Variants in PCDHGA8 observed in about 807,000 individuals in gnomAD.
The protein encoded by PCDHGA8 is protocadherin gamma subfamily A, 8.
A neutral mutation model predicts 59.2 loss-of-function variants in PCDHGA8; 45 were observed. The ratio of observed to expected loss-of-function variants is 0.76; its 90% CI spans 0.60 to 0.98. The LOEUF (loss-of-function observed/expected upper bound fraction) is 0.98, where lower values mean the gene tolerates loss of function less well. Ranked by LOEUF, PCDHGA8 falls within the 50% of genes least tolerant of loss-of-function variation. The pLI is 0.00. For missense variants in PCDHGA8, 1,257 were observed against 1,196.2 expected (o/e 1.05, Z -0.75); for synonymous variants, 531 against 519.0 (o/e 1.02, Z -0.32).
intron 1 of PCDHGA8, chr5:141,422,871 G>T (rs769543752): frequency 3.7e-6 from 6 of 1,614,098 alleles, no homozygotes; most frequent in Non-Finnish European, 5.1e-6. Context: ...GCAACGTGTC[G>T]CTGAGCCTGT....
intron 1 of PCDHGA8, among the ~76,000 whole-genome samples, chr5:141,481,443 C>T (rs971405190): frequency 1.3e-5 from 2 of 152,174 alleles, no homozygotes; most frequent in African/African-American, 4.8e-5. Flanking sequence ...CAGTTTAGTA[C>T]ATGTAAATAC....
rs376734880 is a variant in PCDHGA8 at position 141,400,487 on chromosome 5, T to C, written c.2424+5250T>C. On this transcript the variant is annotated intron_variant, in intron 1 of 3. Coordinates refer to ENST00000398604, the MANE Select transcript of PCDHGA8 (RefSeq NM_032088.2). Reference sequence around the variant, plus strand: ...GATTCATCTGGGGCCTTATTTCCACTTTGTAATTCCAGCGAGTCGACTTCC... The same window carrying C: ...GATTCATCTGGGGCCTTATTTCCACCTTGTAATTCCAGCGAGTCGACTTCC... 4.8e-5 allele frequency: 78 copies of C among 1,613,958 alleles called. No individual in the cohort carries two copies. Among genetic ancestry groups the C allele is most frequent in the Non-Finnish European group, 6.6e-5 (78 of 1,179,896 alleles).
chr5:141,422,314 C>G (rs1207977453), intron 1 of PCDHGA8: 2 of 1,547,838 alleles, frequency 1.3e-6, no homozygotes, highest in Non-Finnish European at 1.7e-6. Context: ...AAACTCTCCT[C>G]CAGGTACAGT....
chr5:141,428,154 T>C, intron 1 of PCDHGA8: 2 of 1,578,924 alleles, frequency 1.3e-6, no homozygotes, highest in Non-Finnish European at 1.7e-6. Flanking sequence ...CACGGGAACC[T>C]GCTGGTTGCT....
Position 141,395,194 on chromosome 5 carries a change from C to G in PCDHGA8, c.2381C>G (p.Ser794Cys). The change falls in exon 1 of 4, where the codon TCC (serine) becomes TGC (cysteine). Residue 794 changes from serine to cysteine, a missense_variant. Physicochemically the swap from Ser to Cys is moderately radical, Grantham distance 112 (BLOSUM62 -1). Transcript: ENST00000398604. ...GAGAAAAATGATTCTTTGTTAACAT[C>G]CGTAGATTTTCATGAATATAAGAAT... ...GCEKNDSLLT[S>C]VDFHEYKNEA... 6.2e-7 allele frequency: 1 copy of G among 1,613,922 alleles called. No homozygotes were observed. Among genetic ancestry groups the G allele is most frequent in the Non-Finnish European group, 8.5e-7 (1 of 1,179,866 alleles).
At chr5:141,468,758 C>G (rs929005462) in intron 1 of PCDHGA8, among the ~76,000 whole-genome samples, 1 of 151,802 alleles carries the variant, frequency 6.6e-6, no homozygotes, top group Admixed American at 6.6e-5. Context: ...CCCAGCTACT[C>G]GGGAGGCTGA....
Position 141,395,134 on chromosome 5 carries a change from A to G in PCDHGA8, c.2321A>G (p.Asn774Ser), listed in dbSNP as rs1468654358. 4.3e-6 allele frequency: 7 copies of G among 1,614,062 alleles called. No individual in the cohort carries two copies. Among genetic ancestry groups the G allele is most frequent in the Middle Eastern group, 1.6e-4 (1 of 6,084 alleles). The change falls in exon 1 of 4, where the codon AAC (asparagine) becomes AGC (serine). Residue 774 changes from asparagine (N) to serine (S), a missense_variant. By Grantham distance (46) the Asn-to-Ser change is conservative. Transcript: ENST00000398604. ...RKSHLIFPQP[N>S]YADMLISQEG... ...AGTCACCTGATCTTTCCCCAGCCCA[A>G]CTACGCAGACATGCTCATCAGTCAG... is the stretch of plus-strand genomic sequence containing the variant.
intron 1 of PCDHGA8, chr5:141,399,826 G>C (rs2093897872): frequency 1.2e-6 from 2 of 1,613,066 alleles, no homozygotes; most frequent in Non-Finnish European, 1.7e-6. Context: ...GGGTCCCGAC[G>C]GCTCTGCGCT....
At chr5:141,480,726 G>A (rs2099524533) in intron 1 of PCDHGA8, among the ~76,000 whole-genome samples, 1 of 152,138 alleles carries the variant, frequency 6.6e-6, no homozygotes, top group Non-Finnish European at 1.5e-5. Context: ...CACAGTCTCT[G>A]GGGGTGGGAC....
At chr5:141,453,517 C>T (rs1001603927) in intron 1 of PCDHGA8, among the ~76,000 whole-genome samples, 1 of 152,062 alleles carries the variant, frequency 6.6e-6, no homozygotes, top group African/African-American at 2.4e-5. Context: ...TCATTCCTCC[C>T]CTATACCTTC....
At chr5:141,421,679 C>T (rs1210753842) in intron 1 of PCDHGA8, 2 of 1,613,810 alleles carry the variant, frequency 1.2e-6, no homozygotes, top group Admixed American at 1.7e-5. Context: ...ATTCCTGGGG[C>T]GCGATTTGCT....
Position 141,432,436 on chromosome 5 carries a change from G to A in PCDHGA8, c.2424+37199G>A, listed in dbSNP as rs753833603. On this transcript the variant is annotated intron_variant, in intron 1 of 3. Coordinates refer to ENST00000398604, the MANE Select transcript of PCDHGA8 (RefSeq NM_032088.2). The surrounding 1 kb of genome is among the most constrained non-coding windows in gnomAD (Gnocchi z 6.0). ...TCGTGCTGGACCAGAACGACAATGC[G>A]CCCGAGATCCTGTACCCCGCCCTCC... The A allele has an allele frequency of 4.3e-6, 7 of 1,614,196 alleles. No homozygotes were observed. The highest frequency in any genetic ancestry group is 1.1e-5 in the South Asian group (1 of 91,084).
At chr5:141,492,468 G>A (rs927514972) in intron 1 of PCDHGA8, among the ~76,000 whole-genome samples, 1 of 152,232 alleles carries the variant, frequency 6.6e-6, no homozygotes, top group Admixed American at 6.5e-5. Flanking sequence ...GAGGGTCCCA[G>A]ATCGCGGCCG....
chr5:141,426,756 G>A, intron 1 of PCDHGA8: 1 of 456,302 alleles, frequency 2.2e-6, no homozygotes. Context: ...ATCTGCTATA[G>A]ATGCAGATGT....
At chr5:141,399,579 C>CT (rs1419885738) in intron 1 of PCDHGA8, 1 of 1,614,026 alleles carries the variant, frequency 6.2e-7, no homozygotes, top group African/African-American at 1.3e-5. Context: ...GCCAAGTCTC[C>CT]TACTCTATCA....
rs146860480 is a variant in PCDHGA8 at position 141,474,581 on chromosome 5, T to G, written c.2425-20226T>G. ...GGTTTTCAGAGATTAATTGAAGTGTTAAAGACATGGAAATATAGGTCACAT... is the reference window on the plus strand; with the variant it reads ...GGTTTTCAGAGATTAATTGAAGTGTGAAAGACATGGAAATATAGGTCACAT... On this transcript the variant is annotated intron_variant, in intron 1 of 3. Transcript: ENST00000398604. Among the ~76,000 whole-genome samples the G allele has an allele frequency of 7.1e-4, 108 of 152,358 alleles. No homozygotes were observed. The East Asian group carries it at 0.015, about 21-fold the overall frequency.
intron 1 of PCDHGA8, chr5:141,427,653 G>A (rs1221862562): frequency 4.1e-6 from 3 of 725,570 alleles, no homozygotes; most frequent in Non-Finnish European, 4.9e-6. Flanking sequence ...CTCCTACGTG[G>A]TCCACGTGGC....
At chr5:141,418,599 A>G in intron 1 of PCDHGA8, 1 of 1,614,054 alleles carries the variant, frequency 6.2e-7, no homozygotes, top group South Asian at 1.1e-5. Flanking sequence ...CAGGACGTGT[A>G]CAGGGTTAGC....
chr5:141,494,923 G>A lies in PCDHGA8; in HGVS notation c.2483+58G>A, dbSNP rs572227346. Reference sequence around the variant, plus strand: ...TCTGCGGCATTTTCTCAGGGATGACGTGGGAGGAGATGGGGGAGGGCCCAG... The same window carrying A: ...TCTGCGGCATTTTCTCAGGGATGACATGGGAGGAGATGGGGGAGGGCCCAG... On this transcript the variant is annotated intron_variant, in intron 2 of 3. Coordinates refer to ENST00000398604, the MANE Select transcript of PCDHGA8 (RefSeq NM_032088.2). The A allele has an allele frequency of 8.9e-5, 143 of 1,613,698 alleles. 1 individual carries two copies. In the Middle Eastern group the frequency reaches 1.8e-3, roughly 20 times the overall value.
Sources: gnomAD v4.1 joint callset for allele counts (sites outside exome capture counted in the v4.1 genomes callset) on GRCh38, gnomAD v4.1.1 for gene constraint, Gnocchi (gnomAD v3.1) non-coding constraint, MANE v1.5 for transcripts, NCBI Gene and HGNC (gene_info 2026-07-23, HGNC 2026-07-21) for gene names.